FREM2: variants seen among roughly 807,000 people sequenced by gnomAD.
FREM2 encodes the protein FRAS1-related extracellular matrix protein 2.
A neutral mutation model predicts 219.9 loss-of-function variants in FREM2; 119 were observed. The observed-to-expected ratio is 0.54, with a 90% CI of 0.47 to 0.63. The LOEUF is 0.63. FREM2 is among the 30% of genes least tolerant of loss of function. The pLI is 0.00. For missense variants in FREM2, 4,030 were observed against 3,993.6 expected (o/e 1.01, Z -0.25); for synonymous variants, 1,562 against 1,522.8 (o/e 1.03, Z -0.60).
intron 2 of FREM2, among the ~76,000 whole-genome samples, chr13:38,706,304 T>A (rs183569972): frequency 6.6e-6 from 1 of 152,328 alleles, no homozygotes; most frequent in East Asian, 1.9e-4. Flanking sequence ...TTGGAGAGAT[T>A]GATTAAATGC....
chr13:38,876,113 G>A lies in FREM2; in HGVS notation c.8373G>A (p.Gln2791=), dbSNP rs1878330609. 7 of 1,614,084 alleles carry A rather than the reference G, an allele frequency of 4.3e-6. No individual in the cohort carries two copies. The highest frequency in any genetic ancestry group is 1.6e-4 in the Middle Eastern group (1 of 6,062). ...RLIRSEPTYN[Q]PVQQWSFVSD... is the part of the protein sequence containing the mutation. ...TAAGGAGTGAACCAACCTATAACCA[G>A]CCAGTACAGCAGTGGAGCTTTGTCT... The change falls in exon 19 of 24, where the codon CAG becomes CAA. Residue 2791 remains glutamine (Q), a synonymous_variant. Transcript: ENST00000280481.
At chr13:38,781,697 TA>T (rs1196444987) in intron 4 of FREM2, among the ~76,000 whole-genome samples, 12 of 152,138 alleles carry the variant, frequency 7.9e-5, no homozygotes, top group African/African-American at 2.9e-4. Context: ...AGAAAACAAA[TA>T]GCACACTGAA....
At chr13:38,878,632 G>A (rs1253305603) in intron 22 of FREM2, among the ~76,000 whole-genome samples, 199 bp from the exon 23 acceptor site, 1 of 151,904 alleles carries the variant, frequency 6.6e-6, no homozygotes, top group Non-Finnish European at 1.5e-5. Flanking sequence ...TCATGCTACT[G>A]CACTCTAGCC....
At chr13:38,828,664 T>G (rs1257337498) in intron 6 of FREM2, among the ~76,000 whole-genome samples, 1 of 152,194 alleles carries the variant, frequency 6.6e-6, no homozygotes, top group East Asian at 1.9e-4. Context: ...TGAGCTATGA[T>G]CTTGCCACTA....
intron 8 of FREM2, 137 bp downstream of exon 8, chr13:38,848,807 G>A: frequency 2.5e-6 from 2 of 804,914 alleles, no homozygotes; most frequent in South Asian, 1.8e-5. Flanking sequence ...CACTGTCGGG[G>A]TGGCTTAAAT....
chr13:38,744,043 G>T (rs993413088), intron 2 of FREM2, among the ~76,000 whole-genome samples: 2 of 152,052 alleles, frequency 1.3e-5, no homozygotes, highest in African/African-American at 4.8e-5. Flanking sequence ...TCATGGAAAT[G>T]AATGGAGAGA....
intron 1 of FREM2, among the ~76,000 whole-genome samples, chr13:38,696,930 C>T (rs1401280979): frequency 6.6e-6 from 1 of 151,914 alleles, no homozygotes; most frequent in Non-Finnish European, 1.5e-5. Context: ...GCCTCAGCCT[C>T]CCGAATAGCT....
intron 6 of FREM2, among the ~76,000 whole-genome samples, chr13:38,826,312 T>C (rs926818616): frequency 6.6e-6 from 1 of 152,060 alleles, no homozygotes; most frequent in Admixed American, 6.6e-5. Context: ...ACCAAAGAAG[T>C]TGATTTCCCC....
rs187743247 is a variant in FREM2 at position 38,706,084 on chromosome 13, T to G, written c.5263+8297T>G. 2.8e-3 allele frequency among the ~76,000 whole-genome samples: 429 copies of G among 152,310 alleles called. 3 individuals carry two copies. Among genetic ancestry groups the G allele is most frequent in the Admixed American group, 3.6e-3 (55 of 15,296 alleles). ...TTTCACTATGGCCAAATAACAGAAA[T>G]TTTTAAAAACCCACTGTATCTCTGA... On this transcript the variant is annotated intron_variant, in intron 2 of 23. Transcript: ENST00000280481.
intron 2 of FREM2, among the ~76,000 whole-genome samples, chr13:38,716,865 A>C (rs986487379): frequency 1.3e-5 from 2 of 152,166 alleles, no homozygotes; most frequent in Non-Finnish European, 2.9e-5. Flanking sequence ...CTTTACATAC[A>C]TATGTATGTG....
At chr13:38,867,329 T>C (rs1346299927) in intron 16 of FREM2, among the ~76,000 whole-genome samples, 2 of 152,264 alleles carry the variant, frequency 1.3e-5, no homozygotes, top group African/African-American at 2.4e-5. Flanking sequence ...TGTTAAACAT[T>C]AATAGCATAA....
At chr13:38,866,210 T>C (rs1877956150) in intron 16 of FREM2, among the ~76,000 whole-genome samples, 1 of 152,024 alleles carries the variant, frequency 6.6e-6, no homozygotes, top group African/African-American at 2.4e-5. Context: ...AATCGTTTCA[T>C]ACGCCAGGAG....
In FREM2 at chr13:38,850,105, G is replaced by C; in HGVS notation, c.6447G>C (p.Met2149Ile). 6.2e-7 allele frequency: 1 copy of C among 1,613,972 alleles called. No homozygotes were observed. The highest frequency in any genetic ancestry group is 8.5e-7 in the Non-Finnish European group (1 of 1,179,872). ...GSESDGQIVT[M>I]IHRTGDVQYR... ...AAAGTGATGGGCAGATAGTTACAAT[G>C]ATCCATAGGACTGGGGATGTCCAGT... The change falls in exon 9 of 24, where the codon ATG (methionine) becomes ATC (isoleucine). Residue 2149 changes from methionine (M) to isoleucine (I), a missense_variant. Physicochemically the swap from Met to Ile is conservative, Grantham distance 10. Coordinates refer to ENST00000280481, the MANE Select transcript of FREM2 (RefSeq NM_207361.6).
chr13:38,690,216 G>A lies in FREM2; in HGVS notation c.2872G>A (p.Glu958Lys). The change falls in exon 1 of 24, where the codon GAA (glutamate) becomes AAA (lysine). Residue 958 changes from glutamate to lysine, a missense_variant. Physicochemically the swap from Glu to Lys is moderately conservative, Grantham distance 56. This residue lies in a region of FREM2 where 3,102 missense variants were observed against 2,950.7 expected (regional missense o/e 1.05). Transcript: ENST00000280481. ...TCTGGAGTCCTATCTAGATGTCTTA[G>A]AAAATGGGGCTACTGAAATCACTGC... The part of the protein sequence containing the change: ...GTLESYLDVL[E>K]NGATEITANV... 2 of 1,614,160 alleles carry A rather than the reference G, an allele frequency of 1.2e-6. No individual in the cohort carries two copies. The highest frequency in any genetic ancestry group is 1.6e-4 in the Middle Eastern group (1 of 6,062).
At chr13:38,746,375 T>G (rs907259628) in intron 2 of FREM2, among the ~76,000 whole-genome samples, 2 of 152,138 alleles carry the variant, frequency 1.3e-5, no homozygotes, top group African/African-American at 4.8e-5. Context: ...TAAAGTGCAG[T>G]AAGGTTCGCT....
chr13:38,819,868 G>T (rs145327843), intron 6 of FREM2, among the ~76,000 whole-genome samples: 2 of 152,004 alleles, frequency 1.3e-5, no homozygotes, highest in African/African-American at 4.8e-5. Flanking sequence ...TAACAACTAC[G>T]CAGCACACTT....
Position 38,878,191 on chromosome 13 carries a change from T to C in FREM2, c.8729T>C (p.Phe2910Ser), listed in dbSNP as rs774963797. The change falls in exon 22 of 24, where the codon TTT becomes TCT. Residue 2910 changes from phenylalanine to serine, a missense_variant. By Grantham distance (155) the Phe-to-Ser change is radical (BLOSUM62 -2). Transcript: ENST00000280481. ...VDPVQNLGDSFYCSIEKVFLC... is the reference protein window; with the variant it reads ...VDPVQNLGDSSYCSIEKVFLC... The stretch of plus-strand genomic sequence containing the variant: ...CCTGTCCAGAATCTGGGTGACTCCT[T>C]TTACTGCAGCATTGAGAAGGTGTTT... 1 of 1,613,854 alleles carries C rather than the reference T, an allele frequency of 6.2e-7. No homozygotes were observed. Among genetic ancestry groups the C allele is most frequent in the South Asian group, 1.1e-5 (1 of 91,076 alleles).
At chr13:38,721,289 A>G (rs2138107925) in intron 2 of FREM2, among the ~76,000 whole-genome samples, 1 of 152,310 alleles carries the variant, frequency 6.6e-6, no homozygotes, top group Middle Eastern at 3.4e-3. Flanking sequence ...GAACTTGAGG[A>G]GAGTGATGTA....
chr13:38,798,441 G>T (rs1182945194), intron 6 of FREM2, among the ~76,000 whole-genome samples: 1 of 151,956 alleles, frequency 6.6e-6, no homozygotes, highest in Non-Finnish European at 1.5e-5. Flanking sequence ...TTGTTGTTGT[G>T]TCCTTATTTG....
Sources: allele counts gnomAD v4.1 joint callset (sites outside exome capture counted in the v4.1 genomes callset), GRCh38; gene constraint gnomAD v4.1.1; regional missense constraint gnomAD v4.1.1; transcripts MANE v1.5; gene names NCBI Gene and HGNC (gene_info 2026-07-23, HGNC 2026-07-21).